The following RNF216 variants were observed in gnomAD, a reference collection of about 807,000 sequenced individuals.
The protein encoded by RNF216 is E3 ubiquitin-protein ligase RNF216.
A neutral mutation model predicts 110.8 loss-of-function variants in RNF216; 72 were observed. The observed-to-expected ratio is 0.65, with a 90% confidence interval of 0.54 to 0.79. RNF216 has a LOEUF of 0.79. Among genes scored for constraint, RNF216 ranks in the 30% least tolerant of loss-of-function variants. The pLI, the probability that RNF216 is intolerant of heterozygous loss-of-function variation, is 0.00. For missense variants in RNF216, 1,342 were observed against 1,141.2 expected (o/e 1.18, Z -2.54); for synonymous variants, 495 against 407.5 (o/e 1.21, Z -2.59).
chr7:5,727,586 T>C (rs565975383), intron 7 of RNF216, among the ~76,000 whole-genome samples: 2 of 152,048 alleles, frequency 1.3e-5, no homozygotes, highest in Non-Finnish European at 2.9e-5. Context: ...AAAAAGATCA[T>C]CCAGGTGTGG....
chr7:5,725,034 TC>T (rs1215486919), intron 8 of RNF216, among the ~76,000 whole-genome samples: 1 of 152,090 alleles, frequency 6.6e-6, no homozygotes, highest in African/African-American at 2.4e-5. Context: ...GACCAGTTTT[TC>T]CCCCCAAGCT....
chr7:5,697,419 C>T (rs1205699030), intron 13 of RNF216, among the ~76,000 whole-genome samples: 1 of 152,188 alleles, frequency 6.6e-6, no homozygotes, highest in Non-Finnish European at 1.5e-5. Context: ...CCACATGTCT[C>T]CATATAGGCA....
chr7:5,621,177 T>A lies in RNF216; in HGVS notation c.*1683A>T, dbSNP rs1347129208. The A allele has an allele frequency of 6.6e-6, 1 of 151,704 alleles. No homozygotes were observed. Among genetic ancestry groups the A allele is most frequent in the African/African-American group, 2.4e-5 (1 of 41,304 alleles). The allele number at this position is 151,704 out of a possible 1,614,324, so 9.4% of individuals were successfully genotyped here. A position where few individuals can be genotyped will look rare whatever the true frequency, so the allele number is the denominator to read the frequency against. On this transcript the variant is annotated 3_prime_UTR_variant, in exon 17 of 17. Transcript: ENST00000389902. ...AGAAAGAATGGGTATCTTAGTTTTT[T>A]TTTTTTTTTTTTTAAAGATAGAGTT...
At position 5,652,266 on chromosome 7, in the gene RNF216, CA is replaced by C. The variant is rs147563765; in HGVS notation, c.2159+146del. On this transcript the variant is annotated intron_variant, in intron 14 of 16. Transcript: ENST00000389902. ...CTGCAGAGATGAGGAAACAGAGGCT[CA>C]AGGGTTAGATTACTTCCCCAAGATC... 4,941 of 606,890 alleles carry C rather than the reference CA, an allele frequency of 8.1e-3. 196 individuals are homozygous for C. In the African/African-American group the frequency reaches 0.083, roughly 10 times the overall value. The allele number at this position is 606,890 out of a possible 1,614,324, so 37.6% of individuals were successfully genotyped here.
Position 5,633,574 on chromosome 7 carries a change from CAAACAAAACA to C in RNF216, c.2382+7570_2382+7579del, listed in dbSNP as rs575093784. Among the ~76,000 whole-genome samples the C allele has an allele frequency of 1.1e-4, 16 of 152,098 alleles. No homozygotes were observed. The South Asian group carries it at 1.7e-3, about 16-fold the overall frequency. On this transcript the variant is annotated intron_variant, in intron 15 of 16. Transcript: ENST00000389902. ...TGGGCGACAGAGGGAGACTCCCTCTCAAACAAAACAAAACAAAACAAAACAAAAACAAGGA... is the reference window on the plus strand; with the variant it reads ...TGGGCGACAGAGGGAGACTCCCTCTCAAACAAAACAAAACAAAAACAAGGA...
intron 13 of RNF216, among the ~76,000 whole-genome samples, chr7:5,661,870 G>T (rs1177480796): frequency 1.3e-5 from 2 of 152,182 alleles, no homozygotes; most frequent in Non-Finnish European, 2.9e-5. Context: ...TTTGGTCGAG[G>T]TCACAGAGCT....
At chr7:5,652,287 A>C in intron 14 of RNF216, 126 bp downstream of exon 14, 1 of 682,706 alleles carries the variant, frequency 1.5e-6, no homozygotes, top group Non-Finnish European at 2.7e-6. Context: ...TTACTTCCCC[A>C]AGATCACTCC....
chr7:5,771,242 A>C (rs990863146), intron 1 of RNF216, among the ~76,000 whole-genome samples: 1 of 152,334 alleles, frequency 6.6e-6, no homozygotes, highest in Admixed American at 6.5e-5. Context: ...CCCCTTCCTC[A>C]TGCCTTACAC....
At chr7:5,638,648 T>TC (rs2128564940) in intron 15 of RNF216, among the ~76,000 whole-genome samples, 1 of 151,446 alleles carries the variant, frequency 6.6e-6, no homozygotes, top group South Asian at 2.1e-4. Flanking sequence ...TTTTTTTTTT[T>TC]TGGGGGGGAG....
chr7:5,696,078 G>A lies in RNF216; in HGVS notation c.2061+15683C>T, dbSNP rs547426416. The stretch of plus-strand genomic sequence containing the variant: ...CACGGCCTTGATCCCTGACTCCCAG[G>A]AGGCACGGAAGGACAAGAAAGCAGC... On this transcript the variant is annotated intron_variant, in intron 13 of 16. Transcript: ENST00000389902. The surrounding 1 kb of genome is among the most constrained non-coding windows in gnomAD (Gnocchi z 5.4). Among the ~76,000 whole-genome samples the A allele has an allele frequency of 3.9e-5, 6 of 152,254 alleles. No individual in the cohort carries two copies. The highest frequency in any genetic ancestry group is 1.3e-4 in the Admixed American group (2 of 15,296).
At chr7:5,668,686 C>T (rs1397291467) in intron 13 of RNF216, among the ~76,000 whole-genome samples, 2 of 152,256 alleles carry the variant, frequency 1.3e-5, no homozygotes, top group African/African-American at 2.4e-5. Flanking sequence ...GTGGGAGACA[C>T]CCAGAGTGGA....
chr7:5,711,049 G>T (rs1792654060), intron 13 of RNF216, among the ~76,000 whole-genome samples: 1 of 151,904 alleles, frequency 6.6e-6, no homozygotes, highest in South Asian at 2.1e-4. Flanking sequence ...TCTCCCCAAG[G>T]CAAAGATATT....
intron 13 of RNF216, among the ~76,000 whole-genome samples, chr7:5,659,997 C>T (rs1049581814): frequency 6.8e-6 from 1 of 147,360 alleles, no homozygotes; most frequent in Non-Finnish European, 1.5e-5. Flanking sequence ...CTCTGTTGCC[C>T]AGGCTGGAGT....
intron 3 of RNF216, among the ~76,000 whole-genome samples, chr7:5,742,572 G>A (rs1185930732): frequency 6.7e-6 from 1 of 148,474 alleles, no homozygotes; most frequent in African/African-American, 2.5e-5. Context: ...GCATTGGTGA[G>A]GATGGTGAAA....
chr7:5,770,014 A>C (rs1437402733), intron 1 of RNF216, among the ~76,000 whole-genome samples: 1 of 106,850 alleles, frequency 9.4e-6, no homozygotes, highest in Non-Finnish European at 1.8e-5. Flanking sequence ...TGACAGAGTG[A>C]GACCCATCTC....
intron 13 of RNF216, among the ~76,000 whole-genome samples, chr7:5,697,039 T>G (rs943868885): frequency 2.0e-5 from 3 of 151,884 alleles, no homozygotes; most frequent in African/African-American, 7.2e-5. Flanking sequence ...CCACCCTCCT[T>G]GTTTTGTTCT....
In RNF216 at chr7:5,623,165, G is replaced by A. The variant is rs771498706; in HGVS notation, c.2467C>T (p.Arg823Cys). 5 of 1,556,888 alleles carry A rather than the reference G, an allele frequency of 3.2e-6. No homozygotes were observed. Among genetic ancestry groups the A allele is most frequent in the East Asian group, 2.3e-5 (1 of 44,086 alleles). ...GGCTTCTCCAGCGGGGGTCCAATGC[G>A]TTTGAAGGTGTTCTCTGAAAGGGAT... ...KRKNGENTFK[R>C]IGPPLEKPVE... The change falls in exon 17 of 17, where the codon CGC (arginine) becomes TGC (cysteine). Residue 823 changes from arginine to cysteine, a missense_variant. Physicochemically the swap from Arg to Cys is radical, Grantham distance 180. Coordinates refer to ENST00000389902, the MANE Select transcript of RNF216 (RefSeq NM_207111.4).
Position 5,729,535 on chromosome 7 carries a change from A to G in RNF216, c.1286T>C (p.Ile429Thr). 1 of 1,614,132 alleles carries G rather than the reference A, an allele frequency of 6.2e-7. No individual in the cohort carries two copies. The highest frequency in any genetic ancestry group is 8.5e-7 in the Non-Finnish European group (1 of 1,179,960). ...KLTPLDQRCF[I>T]QAADLLMADF... ...GGCCATGAGGAGGTCAGCAGCTTGG[A>G]TGAAGCAGCGCTGGTCAAGAGGGGT... The change falls in exon 7 of 17, where the codon ATC (isoleucine) becomes ACC (threonine). Residue 429 changes from isoleucine to threonine, a missense_variant. Physicochemically the swap from Ile to Thr is moderately conservative, Grantham distance 89. Transcript: ENST00000389902.
intron 5 of RNF216, among the ~76,000 whole-genome samples, chr7:5,734,938 G>A (rs2128646876): frequency 6.6e-6 from 1 of 152,088 alleles, no homozygotes; most frequent in Non-Finnish European, 1.5e-5. Context: ...ATAACTTGAG[G>A]TCAGGAGTTC....
Sources: allele counts gnomAD v4.1 joint callset (sites outside exome capture counted in the v4.1 genomes callset), GRCh38; gene constraint gnomAD v4.1.1; non-coding constraint Gnocchi (gnomAD v3.1); transcripts MANE v1.5; gene names NCBI Gene and HGNC (gene_info 2026-07-23, HGNC 2026-07-21).